The following PLCG2 variants were observed in gnomAD, a reference collection of about 807,000 sequenced individuals.
PLCG2 encodes phospholipase C gamma 2.
In PLCG2, 69 loss-of-function variants were observed where a neutral mutation model predicts 175.6. The ratio of observed to expected loss-of-function variants is 0.39; its 90% confidence interval spans 0.32 to 0.48. The LOEUF (loss-of-function observed/expected upper bound fraction) is 0.48, where lower values mean the gene tolerates loss of function less well. PLCG2 is among the 20% of genes least tolerant of loss of function. PLCG2 has a pLI of 0.91. For missense variants in PLCG2, 1,798 were observed against 1,650.9 expected (o/e 1.09, Z -1.54); for synonymous variants, 827 against 624.0 (o/e 1.33, Z -4.85).
chr16:81,894,982 G>A (rs148592949), intron 12 of PLCG2, among the ~76,000 whole-genome samples: 1 of 152,204 alleles, frequency 6.6e-6, no homozygotes, highest in Non-Finnish European at 1.5e-5. Flanking sequence ...TTTTGTAGCA[G>A]TTACTCTATA....
intron 2 of PLCG2, among the ~76,000 whole-genome samples, chr16:81,846,364 C>G (rs865994359): frequency 6.6e-6 from 1 of 152,176 alleles, no homozygotes; most frequent in East Asian, 1.9e-4. Context: ...CCTTGTTTAG[C>G]TTTATTCTGC....
intron 32 of PLCG2, 95 bp downstream of exon 32, chr16:81,956,974 G>C: frequency 9.1e-7 from 1 of 1,094,270 alleles, no homozygotes; most frequent in Non-Finnish European, 1.3e-6. Context: ...AGCCCTCTGA[G>C]TTGCTTTCTT....
intron 24 of PLCG2, 117 bp downstream of exon 24, chr16:81,928,741 C>T: frequency 1.4e-6 from 1 of 711,278 alleles, no homozygotes; most frequent in Non-Finnish European, 2.6e-6. Context: ...ATGCCAGCTC[C>T]TTCCCTGGCT....
intron 1 of PLCG2, among the ~76,000 whole-genome samples, chr16:81,741,432 G>T (rs577746121): frequency 6.6e-6 from 1 of 151,942 alleles, no homozygotes; most frequent in South Asian, 2.1e-4. Context: ...TTTTTTTTCC[G>T]TCAAAAATTT....
intron 2 of PLCG2, among the ~76,000 whole-genome samples, chr16:81,810,886 A>C (rs1251108914): frequency 6.6e-6 from 1 of 152,148 alleles, no homozygotes; most frequent in African/African-American, 2.4e-5. Context: ...ACATGACTAT[A>C]TTTATAACGA....
At chr16:81,820,860 A>T (rs1050072401) in intron 2 of PLCG2, among the ~76,000 whole-genome samples, 4 of 151,276 alleles carry the variant, frequency 2.6e-5, no homozygotes, top group Admixed American at 6.6e-5. Flanking sequence ...ACGTCAAATG[A>T]TCCGCCCACC....
chr16:81,802,503 G>A (rs1480089699), intron 2 of PLCG2, among the ~76,000 whole-genome samples: 1 of 152,176 alleles, frequency 6.6e-6, no homozygotes, highest in Admixed American at 6.5e-5. Flanking sequence ...GATATTGAAT[G>A]TGTAACTGCT....
chr16:81,895,957 CTT>C (rs1908866909), intron 13 of PLCG2, 30 bp downstream of exon 13: 2 of 1,613,496 alleles, frequency 1.2e-6, no homozygotes, highest in African/African-American at 2.7e-5. Flanking sequence ...GGTGGTGTGA[CTT>C]AAAGGGGAAG....
intron 31 of PLCG2, among the ~76,000 whole-genome samples, chr16:81,955,037 T>A (rs1388658588): frequency 6.6e-6 from 1 of 152,136 alleles, no homozygotes; most frequent in East Asian, 1.9e-4. Context: ...TTATTCTTAA[T>A]AGGGAGGAAA....
chr16:81,832,845 C>T (rs953960385), intron 2 of PLCG2, among the ~76,000 whole-genome samples: 3 of 152,084 alleles, frequency 2.0e-5, no homozygotes, highest in African/African-American at 7.2e-5. Flanking sequence ...CTGTGGGTGA[C>T]CCATTAGCCA....
At chr16:81,843,366 C>T (rs1450773223) in intron 2 of PLCG2, among the ~76,000 whole-genome samples, 4 of 152,190 alleles carry the variant, frequency 2.6e-5, no homozygotes, top group African/African-American at 4.8e-5. Flanking sequence ...CAAATAGGCA[C>T]ATTCCTTCTT....
intron 1 of PLCG2, among the ~76,000 whole-genome samples, chr16:81,752,172 C>A (rs1387465624): frequency 6.6e-6 from 1 of 152,108 alleles, no homozygotes; most frequent in Non-Finnish European, 1.5e-5. Flanking sequence ...GCTGGGAGCT[C>A]CCACTGTTCC....
intron 2 of PLCG2, among the ~76,000 whole-genome samples, chr16:81,763,019 T>C (rs372666720): frequency 6.6e-6 from 1 of 152,348 alleles, no homozygotes; most frequent in South Asian, 2.1e-4. Context: ...ATCATGCCAC[T>C]GTATTCTAGC....
intron 2 of PLCG2, among the ~76,000 whole-genome samples, chr16:81,841,638 G>C (rs1905837397): frequency 6.6e-6 from 1 of 152,152 alleles, no homozygotes. Context: ...CAGTAAGCCA[G>C]AATAGAGGCT....
At chr16:81,751,954 G>A (rs1447633399) in intron 1 of PLCG2, among the ~76,000 whole-genome samples, 3 of 152,010 alleles carry the variant, frequency 2.0e-5, no homozygotes, top group Non-Finnish European at 2.9e-5. Context: ...CCTGGGAGGC[G>A]GAGGTTGCAG....
At chr16:81,956,911 T>TA (rs1567549959) in intron 32 of PLCG2, 32 bp downstream of exon 32, 1 of 1,592,112 alleles carries the variant, frequency 6.3e-7, no homozygotes, top group Admixed American at 1.7e-5. Context: ...CAAAAACTTT[T>TA]GGGGGGTCTC....
chr16:81,867,673 A>T lies in PLCG2; in HGVS notation c.480-1541A>T, dbSNP rs182539233. ...GCTGCTGCTGCTCCTTTTGCCTGGG[A>T]CGTGTTCTCCCTTGCTTCCCTCCCT... On this transcript the variant is annotated intron_variant, in intron 5 of 32. Transcript: ENST00000564138. Among the ~76,000 whole-genome samples the T allele has an allele frequency of 4.5e-4, 68 of 150,938 alleles. 1 individual carries two copies. The East Asian group carries it at 0.012, about 26-fold the overall frequency.
At chr16:81,810,294 C>T (rs1022913072) in intron 2 of PLCG2, among the ~76,000 whole-genome samples, 1 of 152,228 alleles carries the variant, frequency 6.6e-6, no homozygotes, top group Non-Finnish European at 1.5e-5. Flanking sequence ...CCATGCTTCT[C>T]TCCTATCCCA....
chr16:81,943,769 C>T lies in PLCG2; in HGVS notation c.3482-2406C>T, dbSNP rs77055788. On this transcript the variant is annotated intron_variant, in intron 30 of 32. Transcript: ENST00000564138. ...AAAAACAAACTAGCAACAAAAATCA[C>T]ATTGTAGCGATAGGGAAAAATAGGT... Among the ~76,000 whole-genome samples the T allele has an allele frequency of 4.6e-5, 7 of 152,302 alleles. No individual in the cohort carries two copies. The East Asian group carries it at 1.3e-3, about 29-fold the overall frequency.
Sources: allele counts gnomAD v4.1 joint callset (sites outside exome capture counted in the v4.1 genomes callset), GRCh38; gene constraint gnomAD v4.1.1; transcripts MANE v1.5; gene names NCBI Gene and HGNC (gene_info 2026-07-23, HGNC 2026-07-21).